Variants in DCLK1 observed in about 807,000 individuals in gnomAD.
The protein encoded by DCLK1 is doublecortin like kinase 1, also known as serine/threonine-protein kinase DCLK1.
Under a neutral mutation model 86.2 loss-of-function variants are expected in DCLK1, and 16 were observed. The observed-to-expected ratio is 0.19, with a 90% CI of 0.13 to 0.28. The LOEUF is 0.28. Among genes scored for constraint, DCLK1 ranks in the 10% least tolerant of loss-of-function variants. The pLI, the probability that DCLK1 is intolerant of heterozygous loss-of-function variation, is 1.00. For synonymous variants in DCLK1, 369 were observed against 370.5 expected (o/e 1.00, Z 0.05); for missense variants, 590 against 940.2 (o/e 0.63, Z 4.87).
At chr13:35,901,723 C>A (rs1874379237) in intron 4 of DCLK1, among the ~76,000 whole-genome samples, 1 of 152,006 alleles carries the variant, frequency 6.6e-6, no homozygotes, top group Non-Finnish European at 1.5e-5. Flanking sequence ...CAGGCCCCAC[C>A]AGCTGCTGCT....
chr13:35,970,912 G>A (rs1012821494), intron 3 of DCLK1, among the ~76,000 whole-genome samples: 8 of 152,120 alleles, frequency 5.3e-5, no homozygotes, highest in Non-Finnish European at 8.8e-5. Context: ...GTTAGCACAC[G>A]GGGCAGTGGC....
At chr13:35,794,093 G>A (rs113362888) in intron 15 of DCLK1, among the ~76,000 whole-genome samples, 7 of 152,152 alleles carry the variant, frequency 4.6e-5, no homozygotes. Flanking sequence ...TTTAACCAAG[G>A]TCTCTATTCT....
chr13:35,853,494 G>A (rs918058296), intron 6 of DCLK1, among the ~76,000 whole-genome samples: 8 of 152,142 alleles, frequency 5.3e-5, no homozygotes, highest in African/African-American at 1.2e-4. Context: ...TCCCCGCCCC[G>A]CACTCTTAGA....
chr13:35,931,927 C>T (rs1396555194), intron 4 of DCLK1, among the ~76,000 whole-genome samples: 1 of 152,138 alleles, frequency 6.6e-6, no homozygotes, highest in African/African-American at 2.4e-5. Flanking sequence ...ACAAAGTGTC[C>T]AGGATCCTCA....
At chr13:36,088,101 T>C (rs1158173375) in intron 3 of DCLK1, among the ~76,000 whole-genome samples, 1 of 152,212 alleles carries the variant, frequency 6.6e-6, no homozygotes, top group Non-Finnish European at 1.5e-5. Context: ...ATCTCTCCTG[T>C]ATAGTGGGAA....
At position 35,918,892 on chromosome 13, in the gene DCLK1, G is replaced by GTTTTTTTTTTT. The variant is rs749567335; in HGVS notation, c.823+28455_823+28465dup. Among the ~76,000 whole-genome samples the GTTTTTTTTTTT allele has an allele frequency of 9.2e-4, 70 of 76,322 alleles. 25 individuals are homozygous for GTTTTTTTTTTT. Among genetic ancestry groups the GTTTTTTTTTTT allele is most frequent in the Non-Finnish European group, 1.4e-3 (55 of 40,718 alleles). 50.1% of individuals were successfully genotyped at this position (76,322 alleles called of 152,430 possible). ...AAAAAGAAATCTTCCTTCTGAGTGT[G>GTTTTTTTTTTT]TTTTTTTTTTTTTTTTTGGAAACGG... On this transcript the variant is annotated intron_variant, in intron 4 of 16. Transcript: ENST00000360631.
At chr13:35,846,756 G>A (rs1870205404) in intron 6 of DCLK1, 5 of 985,236 alleles carry the variant, frequency 5.1e-6, no homozygotes, top group Non-Finnish European at 6.0e-6. Flanking sequence ...CAAGGTTAAT[G>A]CAAATATGCA....
chr13:35,971,690 G>A (rs1289222000), intron 3 of DCLK1, among the ~76,000 whole-genome samples: 1 of 151,764 alleles, frequency 6.6e-6, no homozygotes, highest in Non-Finnish European at 1.5e-5. Context: ...TTGAACCTGG[G>A]AGGCAGATGT....
chr13:35,814,324 G>A lies in DCLK1; in HGVS notation c.1555-3356C>T, dbSNP rs1374734149. Among the ~76,000 whole-genome samples the A allele has an allele frequency of 2.6e-5, 4 of 152,138 alleles. No homozygotes were observed. The East Asian group carries it at 7.7e-4, about 29-fold the overall frequency. ...ATCTCCAGAAAGTATTATTCCAAAT[G>A]GCAGCCATAAATCCACTTTGAACTA... On this transcript the variant is annotated intron_variant, in intron 11 of 16. Transcript: ENST00000360631.
intron 5 of DCLK1, among the ~76,000 whole-genome samples, chr13:35,868,141 G>A (rs1272217391): frequency 6.6e-6 from 1 of 151,072 alleles, no homozygotes; most frequent in East Asian, 2.0e-4. Flanking sequence ...TCCTGCCTCA[G>A]CCTCCCGAGT....
At chr13:35,949,607 T>A (rs1223724644) in intron 3 of DCLK1, among the ~76,000 whole-genome samples, 1 of 152,154 alleles carries the variant, frequency 6.6e-6, no homozygotes, top group Non-Finnish European at 1.5e-5. Context: ...ACATTCCCAC[T>A]CCCACCATTT....
rs145245406 is a variant in DCLK1 at position 35,922,345 on chromosome 13, A to T, written c.823+25013T>A. On this transcript the variant is annotated intron_variant, in intron 4 of 16. Coordinates refer to ENST00000360631, the MANE Select transcript of DCLK1 (RefSeq NM_001330071.2). ...CCTTCCCTTTCCCCATTACTCATGA[A>T]TTCCTTGGGGAGAAGGACCACATAT... Among the ~76,000 whole-genome samples, 405 of 152,256 alleles carry T rather than the reference A, an allele frequency of 2.7e-3. 3 individuals carry two copies. Among genetic ancestry groups the T allele is most frequent in the African/African-American group, 9.1e-3 (380 of 41,550 alleles).
At chr13:35,976,195 G>C (rs1260441387) in intron 3 of DCLK1, among the ~76,000 whole-genome samples, 27 of 152,168 alleles carry the variant, frequency 1.8e-4, no homozygotes, top group Admixed American at 1.8e-3. Context: ...CAGGTTGGGA[G>C]GAGAAAGGAG....
chr13:35,920,552 G>C (rs1566603312), intron 4 of DCLK1, among the ~76,000 whole-genome samples: 1 of 152,170 alleles, frequency 6.6e-6, no homozygotes, highest in Non-Finnish European at 1.5e-5. Flanking sequence ...GAAGGAAAAT[G>C]CACGGGGGTT....
In DCLK1 at chr13:35,869,722, G is replaced by T. The variant is rs571836152; in HGVS notation, c.940+1502C>A. On this transcript the variant is annotated intron_variant, in intron 5 of 16. Transcript: ENST00000360631. ...CAATTTGCTGGGCTCTAGCTCCAGAGTTTCTGATTCAGTGGTTCTGGAGAG... is the reference window on the plus strand; with the variant it reads ...CAATTTGCTGGGCTCTAGCTCCAGATTTTCTGATTCAGTGGTTCTGGAGAG... Among the ~76,000 whole-genome samples the T allele has an allele frequency of 2.0e-4, 31 of 152,334 alleles. No individual in the cohort carries two copies. The East Asian group carries it at 5.8e-3, about 28-fold the overall frequency.
At position 35,854,528 on chromosome 13, in the gene DCLK1, T is replaced by C; in HGVS notation, c.1006A>G (p.Thr336Ala). The change falls in exon 6 of 17, where the codon ACC (threonine) becomes GCC (alanine). Residue 336 changes from threonine (T) to alanine (A), a missense_variant. This residue lies in a region of DCLK1 where 63 missense variants were observed against 64.3 expected (regional missense o/e 0.98). Transcript: ENST00000360631. ...TGCTTCCGCAGGCTTCCTGGGCTGG[T>C]GGGTGATGGGCTTGGCGACTTGCCT... ...RSGKSPSPSP[T>A]SPGSLRKQRS... 1 of 1,604,528 alleles carries C rather than the reference T, an allele frequency of 6.2e-7. No homozygotes were observed. The highest frequency in any genetic ancestry group is 8.5e-7 in the Non-Finnish European group (1 of 1,174,940).
intron 1 of DCLK1, among the ~76,000 whole-genome samples, chr13:36,127,258 T>C (rs1886220346): frequency 6.6e-6 from 1 of 152,170 alleles, no homozygotes; most frequent in African/African-American, 2.4e-5. Flanking sequence ...CTTCATTTAC[T>C]TATATTTAGT....
chr13:36,100,179 C>CAAAAAAAAAAAAAAAAAAAAA (rs58824322), intron 3 of DCLK1, among the ~76,000 whole-genome samples: 1 of 37,686 alleles, frequency 2.7e-5, no homozygotes, highest in Non-Finnish European at 4.3e-5. Context: ...CCTGTCTCTA[C>CAAAAAAAAAAAAAAAAAAAAA]AAAAAAAAAA....
chr13:36,007,098 G>C (rs1881011913), intron 3 of DCLK1, among the ~76,000 whole-genome samples: 1 of 152,088 alleles, frequency 6.6e-6, no homozygotes, highest in Admixed American at 6.5e-5. Flanking sequence ...AGGCCAGCAA[G>C]GCTCATTGGT....
Sources: allele counts gnomAD v4.1 joint callset (sites outside exome capture counted in the v4.1 genomes callset), GRCh38; gene constraint gnomAD v4.1.1; regional missense constraint gnomAD v4.1.1; transcripts MANE v1.5; gene names NCBI Gene and HGNC (gene_info 2026-07-23, HGNC 2026-07-21).